ATP5MK: variants seen among roughly 807,000 people sequenced by gnomAD.
ATP5MK encodes the protein ATP synthase F(0) complex subunit k, mitochondrial.
Under a neutral mutation model 6.6 loss-of-function variants are expected in ATP5MK, and 5 were observed. That is an observed-to-expected ratio of 0.76 (90% CI 0.40 to 1.60). The LOEUF is 1.60. ATP5MK is among the 40% of genes most tolerant of loss of function. ATP5MK has a pLI of 0.02. For missense variants in ATP5MK, 57 were observed against 66.6 expected (o/e 0.86, Z 0.50); for synonymous variants, 30 against 24.5 (o/e 1.22, Z -0.66).
At chr10:103,391,952 G>A (rs2093415811) in intron 4 of ATP5MK, among the ~76,000 whole-genome samples, 1 of 152,062 alleles carries the variant, frequency 6.6e-6, no homozygotes, top group Non-Finnish European at 1.5e-5. Context: ...GTAGAGATGG[G>A]GTTTCATCAT....
At chr10:103,393,600 A>C (rs2093421203) in intron 2 of ATP5MK, among the ~76,000 whole-genome samples, 1 of 151,868 alleles carries the variant, frequency 6.6e-6, no homozygotes, top group South Asian at 2.1e-4. Context: ...AAAATAAATA[A>C]ATAAAAAATA....
intron 2 of ATP5MK, among the ~76,000 whole-genome samples, chr10:103,393,742 A>G (rs1371966768): frequency 6.6e-6 from 1 of 152,162 alleles, no homozygotes; most frequent in Non-Finnish European, 1.5e-5. Context: ...CAAAGTGGAA[A>G]CACATTGTGT....
intron 2 of ATP5MK, among the ~76,000 whole-genome samples, chr10:103,392,719 T>C (rs111420932): frequency 2.6e-5 from 4 of 152,242 alleles, no homozygotes; most frequent in African/African-American, 4.8e-5. Context: ...AATCACACAA[T>C]AGCCCCTGCT....
At chr10:103,389,768 A>G (rs563978319) in intron 4 of ATP5MK, among the ~76,000 whole-genome samples, 43 of 151,042 alleles carry the variant, frequency 2.8e-4, no homozygotes, top group African/African-American at 9.7e-4. Context: ...GTCTCGCTCT[A>G]TCCCCCAGGA....
At chr10:103,391,128 CT>C (rs1406811662) in intron 4 of ATP5MK, among the ~76,000 whole-genome samples, 1 of 152,072 alleles carries the variant, frequency 6.6e-6, no homozygotes, top group African/African-American at 2.4e-5. Flanking sequence ...AAAACATGCC[CT>C]TCAAAAAGCA....
chr10:103,391,347 G>A (rs1017564849), intron 4 of ATP5MK, among the ~76,000 whole-genome samples: 1 of 152,182 alleles, frequency 6.6e-6, no homozygotes, highest in African/African-American at 2.4e-5. Flanking sequence ...GGGAACGAGA[G>A]TTCCTCTCTG....
intron 2 of ATP5MK, among the ~76,000 whole-genome samples, chr10:103,393,957 C>T (rs556369170): frequency 6.6e-5 from 10 of 152,174 alleles, no homozygotes; most frequent in African/African-American, 1.9e-4. Context: ...GTCAATGGTT[C>T]TGGGTCTTGT....
chr10:103,390,298 C>T (rs1478283851), intron 4 of ATP5MK, among the ~76,000 whole-genome samples: 2 of 151,968 alleles, frequency 1.3e-5, no homozygotes, highest in African/African-American at 4.8e-5. Context: ...TTGAGAGCAG[C>T]CTGGGCAACA....
At chr10:103,393,348 A>C (rs2093420028) in intron 2 of ATP5MK, among the ~76,000 whole-genome samples, 1 of 152,088 alleles carries the variant, frequency 6.6e-6, no homozygotes, top group African/African-American at 2.4e-5. Context: ...TTGGGAGGCC[A>C]AGGCGGGTGG....
chr10:103,390,622 C>G (rs533998500), intron 4 of ATP5MK, among the ~76,000 whole-genome samples: 1 of 152,102 alleles, frequency 6.6e-6, no homozygotes, highest in East Asian at 1.9e-4. Context: ...AACCCCGTCT[C>G]TACTAAAAAT....
In ATP5MK at chr10:103,392,472, AAAAAAAG is replaced by A; in HGVS notation, c.-9-13_-9-7del. On this transcript the variant is annotated splice_region_variant and splice_polypyrimidine_tract_variant and intron_variant, in intron 2 of 4. Transcript: ENST00000369815. ...GGACCTGCCATGATTTCAATCTTTT[AAAAAAAG>A]AAAGAAAGCAACATTAAATTGGTTT... 6.4e-7 allele frequency: 1 copy of A among 1,567,294 alleles called. No homozygotes were observed. Among genetic ancestry groups the A allele is most frequent in the South Asian group, 1.2e-5 (1 of 84,238 alleles).
chr10:103,395,412 C>T (rs2093429461), intron 2 of ATP5MK, among the ~76,000 whole-genome samples: 1 of 152,216 alleles, frequency 6.6e-6, no homozygotes, highest in Non-Finnish European at 1.5e-5. Context: ...GTTCTCCTGC[C>T]TCAGCCTCCC....
intron 2 of ATP5MK, 110 bp from the exon 3 acceptor site, chr10:103,392,576 C>G (rs2093417876): frequency 1.3e-6 from 1 of 756,484 alleles, no homozygotes; most frequent in African/African-American, 1.8e-5. Context: ...CATATAAATA[C>G]TGTAAATTTT....
chr10:103,393,657 T>C (rs2093421465), intron 2 of ATP5MK, among the ~76,000 whole-genome samples: 1 of 152,098 alleles, frequency 6.6e-6, no homozygotes, highest in Non-Finnish European at 1.5e-5. Flanking sequence ...CAGTATCTTA[T>C]CGAATTATAA....
intron 2 of ATP5MK, chr10:103,394,356 G>A (rs751122680): frequency 7.5e-6 from 4 of 531,126 alleles, no homozygotes; most frequent in Admixed American, 5.8e-5. Context: ...GTCGAGGTCC[G>A]GTCGAGATTG....
chr10:103,395,203 G>C (rs2093428171), intron 2 of ATP5MK, among the ~76,000 whole-genome samples: 1 of 152,168 alleles, frequency 6.6e-6, no homozygotes, highest in African/African-American at 2.4e-5. Context: ...GGTTACTTTA[G>C]GGCAAAGATA....
Position 103,389,767 on chromosome 10 carries a change from T to C in ATP5MK, c.*4-601A>G, listed in dbSNP as rs1473511325. Among the ~76,000 whole-genome samples, 3 of 152,102 alleles carry C rather than the reference T, an allele frequency of 2.0e-5. No individual in the cohort carries two copies. In the East Asian group the frequency reaches 5.8e-4, roughly 29 times the overall value. The stretch of plus-strand genomic sequence containing the variant: ...TTTGTTCGGAGACACAGTCTCGCTC[T>C]ATCCCCCAGGATGGAGTGTAGCAGC... On this transcript the variant is annotated intron_variant, in intron 4 of 4. Transcript: ENST00000369815.
At chr10:103,395,329 G>A (rs1049865148) in intron 2 of ATP5MK, among the ~76,000 whole-genome samples, 4 of 152,290 alleles carry the variant, frequency 2.6e-5, no homozygotes, top group African/African-American at 9.6e-5. Flanking sequence ...ACAAGGTCTC[G>A]CTCTGTCGTC....
intron 2 of ATP5MK, among the ~76,000 whole-genome samples, chr10:103,393,554 T>C (rs1475765563): frequency 2.0e-5 from 3 of 149,608 alleles, no homozygotes; most frequent in African/African-American, 7.4e-5. Context: ...CACTCCAGCC[T>C]GGGCGACAGA....
Sources: allele counts gnomAD v4.1 joint callset (sites outside exome capture counted in the v4.1 genomes callset), GRCh38; gene constraint gnomAD v4.1.1; transcripts MANE v1.5; gene names NCBI Gene and HGNC (gene_info 2026-07-23, HGNC 2026-07-21).